Variants in ST3GAL3 observed in about 807,000 individuals in gnomAD.
The protein encoded by ST3GAL3 is ST3 beta-galactoside alpha-2,3-sialyltransferase 3.
ST3GAL3 carries 21 observed loss-of-function variants against 50.1 expected under a neutral mutation model. That is an observed-to-expected ratio of 0.42 (90% CI 0.30 to 0.60). The LOEUF is 0.60. Ranked by LOEUF, ST3GAL3 falls within the 20% of genes least tolerant of loss-of-function variation. ST3GAL3 has a pLI of 0.19. For missense variants in ST3GAL3, 353 were observed against 489.4 expected (o/e 0.72, Z 2.63); for synonymous variants, 183 against 190.0 (o/e 0.96, Z 0.30).
At chr1:43,917,522 AT>A (rs1557535736) in intron 9 of ST3GAL3, among the ~76,000 whole-genome samples, 1 of 72,072 alleles carries the variant, frequency 1.4e-5, no homozygotes, top group African/African-American at 5.1e-5. Flanking sequence ...TATAATATAT[AT>A]TATATTATAT....
chr1:43,843,124 T>G (rs549348845), intron 5 of ST3GAL3, among the ~76,000 whole-genome samples: 1 of 152,238 alleles, frequency 6.6e-6, no homozygotes, highest in South Asian at 2.1e-4. Flanking sequence ...CAGTATTAAA[T>G]AGGTGAGGTG....
chr1:43,827,181 A>C (rs1047377080), intron 4 of ST3GAL3, among the ~76,000 whole-genome samples: 1 of 152,242 alleles, frequency 6.6e-6, no homozygotes, highest in Non-Finnish European at 1.5e-5. Context: ...TATGTAGAAA[A>C]TCCCAAAGAT....
intron 2 of ST3GAL3, among the ~76,000 whole-genome samples, chr1:43,767,405 A>G (rs1443363398): frequency 6.6e-6 from 1 of 152,070 alleles, no homozygotes; most frequent in Non-Finnish European, 1.5e-5. Context: ...CCTTCTTTAT[A>G]TGTCACAGTG....
chr1:43,837,407 A>G (rs114094493), intron 4 of ST3GAL3, among the ~76,000 whole-genome samples: 4 of 152,238 alleles, frequency 2.6e-5, no homozygotes, highest in African/African-American at 9.6e-5. Flanking sequence ...CCCCAGTGAC[A>G]TAATTTATCG....
intron 3 of ST3GAL3, among the ~76,000 whole-genome samples, chr1:43,802,019 CAAA>C (rs1374154222): frequency 3.3e-5 from 5 of 149,640 alleles, no homozygotes; most frequent in Admixed American, 1.3e-4. Flanking sequence ...AACAAACAAA[CAAA>C]CCAAAAAGAA....
At chr1:43,850,633 T>A in intron 5 of ST3GAL3, 1 of 757,614 alleles carries the variant, frequency 1.3e-6, no homozygotes, top group Non-Finnish European at 2.4e-6. Flanking sequence ...TTCTCAGCCC[T>A]TCTGCCATCT....
intron 10 of ST3GAL3, 25 bp downstream of exon 10, chr1:43,920,575 G>C: frequency 6.2e-7 from 1 of 1,612,758 alleles, no homozygotes; most frequent in Non-Finnish European, 8.5e-7. Context: ...CCCTGGGAGA[G>C]GGAGGAGGAA....
chr1:43,857,020 C>T (rs2068528803), intron 5 of ST3GAL3, among the ~76,000 whole-genome samples: 1 of 152,104 alleles, frequency 6.6e-6, no homozygotes, highest in African/African-American at 2.4e-5. Flanking sequence ...GCAGACCTAG[C>T]TGGTTATAAA....
At chr1:43,787,408 C>T (rs965332180) in intron 2 of ST3GAL3, among the ~76,000 whole-genome samples, 8 of 152,214 alleles carry the variant, frequency 5.3e-5, no homozygotes, top group Non-Finnish European at 8.8e-5. Flanking sequence ...AATAATCTTA[C>T]GTCCTTTAGA....
chr1:43,914,245 G>A (rs1178725022), intron 9 of ST3GAL3: 3 of 152,232 alleles, frequency 2.0e-5, no homozygotes, highest in African/African-American at 7.2e-5. Context: ...AAAACAGGTT[G>A]TGAAGTCAAA....
intron 6 of ST3GAL3, among the ~76,000 whole-genome samples, chr1:43,897,852 GCT>G (rs2077612060): frequency 1.3e-5 from 2 of 152,180 alleles, no homozygotes; most frequent in African/African-American, 4.8e-5. Flanking sequence ...GTGGTCTCTA[GCT>G]CTGAGCAGGT....
intron 4 of ST3GAL3, among the ~76,000 whole-genome samples, chr1:43,832,763 C>G (rs553127466): frequency 5.3e-5 from 8 of 152,226 alleles, no homozygotes; most frequent in Admixed American, 2.6e-4. Context: ...TCAAGCTAGG[C>G]GAAGCTGCTT....
At chr1:43,813,662 C>T (rs1573435272) in intron 3 of ST3GAL3, among the ~76,000 whole-genome samples, 1 of 152,088 alleles carries the variant, frequency 6.6e-6, no homozygotes, top group South Asian at 2.1e-4. Context: ...CCTTGCAGAA[C>T]GACTCCTGGG....
At chr1:43,820,063 A>G (rs1289755024) in intron 4 of ST3GAL3, among the ~76,000 whole-genome samples, 2 of 152,184 alleles carry the variant, frequency 1.3e-5, no homozygotes, top group Non-Finnish European at 2.9e-5. Flanking sequence ...TTCAAACTCT[A>G]CTATAAGGAT....
chr1:43,801,887 C>G (rs1386565585), intron 3 of ST3GAL3, among the ~76,000 whole-genome samples: 6 of 152,264 alleles, frequency 3.9e-5, no homozygotes, highest in Non-Finnish European at 1.5e-5. Context: ...TTAGTCCAAA[C>G]TACTCAGGAG....
At chr1:43,910,072 G>A (rs74711423) in intron 9 of ST3GAL3, among the ~76,000 whole-genome samples, 3,502 of 152,280 alleles carry the variant, frequency 0.023, 59 homozygotes, top group African/African-American at 0.042. Flanking sequence ...AATGGAACTT[G>A]GTACCGAGAG....
rs1219551924 is a variant in ST3GAL3 at position 43,808,319 on chromosome 1, A to AG, written c.167-6572_167-6571insG. ...ACTCCATCTCAAAAAAAAAAAAAAA[A>AG]AAGTGGAGCTCAGGAGAGAAGGCTG... is the stretch of plus-strand genomic sequence containing the variant. On this transcript the variant is annotated intron_variant, in intron 3 of 11. Coordinates refer to ENST00000347631, the MANE Select transcript of ST3GAL3 (RefSeq NM_006279.5). Among the ~76,000 whole-genome samples the AG allele has an allele frequency of 6.9e-4, 104 of 151,724 alleles. 1 individual carries two copies. The highest frequency in any genetic ancestry group is 7.7e-4 in the Non-Finnish European group (52 of 67,878).
chr1:43,824,930 T>A, intron 4 of ST3GAL3: 1 of 719,874 alleles, frequency 1.4e-6, no homozygotes. Context: ...AACCACTGCT[T>A]TAATAAAAGA....
chr1:43,708,034 G>A (rs1327097072), intron 1 of ST3GAL3: 1 of 152,396 alleles, frequency 6.6e-6, no homozygotes, highest in Non-Finnish European at 1.5e-5. Flanking sequence ...CCTGCTGTGG[G>A]AAAAGGAAAG....
Sources: gnomAD v4.1 joint callset for allele counts (sites outside exome capture counted in the v4.1 genomes callset) on GRCh38, gnomAD v4.1.1 for gene constraint, MANE v1.5 for transcripts, NCBI Gene and HGNC (gene_info 2026-07-23, HGNC 2026-07-21) for gene names.